Variants in EPS15L1 observed in about 807,000 individuals in gnomAD.
EPS15L1 encodes the protein epidermal growth factor receptor pathway substrate 15 like 1.
EPS15L1 carries 43 observed loss-of-function variants against 117.1 expected under a neutral mutation model. That is an observed-to-expected ratio of 0.37 (90% CI 0.29 to 0.47). EPS15L1 has a LOEUF of 0.47. Ranked by LOEUF, EPS15L1 falls within the 20% of genes least tolerant of loss-of-function variation. EPS15L1 has a pLI of 0.99. For synonymous variants in EPS15L1, 459 were observed against 470.5 expected (o/e 0.98, Z 0.32); for missense variants, 981 against 1,164.0 (o/e 0.84, Z 2.29).
chr19:16,367,869 T>C (rs1023319088), intron 22 of EPS15L1, among the ~76,000 whole-genome samples: 1 of 151,584 alleles, frequency 6.6e-6, no homozygotes, highest in Non-Finnish European at 1.5e-5. Context: ...AAGGAAACTC[T>C]CTTGGTTTAA....
At chr19:16,467,580 T>C (rs540549046) in intron 1 of EPS15L1, among the ~76,000 whole-genome samples, 68 of 151,792 alleles carry the variant, frequency 4.5e-4, no homozygotes, top group African/African-American at 1.6e-3. Flanking sequence ...TAAGTGACAG[T>C]CAGGGAATTC....
chr19:16,442,551 G>A (rs191470262), intron 1 of EPS15L1, among the ~76,000 whole-genome samples: 3 of 152,298 alleles, frequency 2.0e-5, no homozygotes, highest in Admixed American at 6.5e-5. Flanking sequence ...AGAGCTCAGA[G>A]GGAAAGGACA....
At chr19:16,355,924 A>G (rs2091973738) in intron 23 of EPS15L1, 73 bp from the exon 24 acceptor site, 5 of 1,503,764 alleles carry the variant, frequency 3.3e-6, no homozygotes, top group Non-Finnish European at 2.7e-6. Flanking sequence ...GAGGCAGGGA[A>G]TGCGTGGGAG....
At chr19:16,397,630 A>G (rs1032471131) in intron 16 of EPS15L1, among the ~76,000 whole-genome samples, 1 of 152,076 alleles carries the variant, frequency 6.6e-6, no homozygotes, top group African/African-American at 2.4e-5. Flanking sequence ...TTTCTGTCCT[A>G]TGAGGAAATG....
chr19:16,439,082 T>TG (rs1441425096), intron 4 of EPS15L1, among the ~76,000 whole-genome samples: 2 of 151,862 alleles, frequency 1.3e-5, no homozygotes, highest in Non-Finnish European at 2.9e-5. Flanking sequence ...CTGTTTTTTT[T>TG]TTTTTTTATT....
intron 7 of EPS15L1, among the ~76,000 whole-genome samples, chr19:16,432,436 C>T (rs990298554): frequency 2.7e-4 from 41 of 152,100 alleles, no homozygotes; most frequent in Non-Finnish European, 5.0e-4. Context: ...GGCGTGGTGG[C>T]GGGCGCCTGT....
Position 16,392,316 on chromosome 19 carries a change from G to A in EPS15L1, c.2091C>T (p.Ser697=). 3 of 1,614,100 alleles carry A rather than the reference G, an allele frequency of 1.9e-6. No individual in the cohort carries two copies. The highest frequency in any genetic ancestry group is 2.5e-6 in the Non-Finnish European group (3 of 1,179,944). Residue 697 remains serine (S), a synonymous_variant, in exon 19 of 24, where the codon TCC becomes TCT. Transcript: ENST00000455140. The part of the protein sequence containing the change: ...FTSDPFTKNP[S]LPSKLDPFES... ...CCACCCCACTCACCTTCGAAGGTAA[G>A]GAAGGGTTTTTCGTGAATGGATCCG...
rs1461090853 is a variant in EPS15L1 at position 16,379,627 on chromosome 19, T to TCTA, written c.2248-2374_2248-2373insTAG. 3.7e-4 allele frequency among the ~76,000 whole-genome samples: 56 copies of TCTA among 150,754 alleles called. 1 individual carries two copies. The highest frequency in any genetic ancestry group is 1.3e-3 in the African/African-American group (53 of 40,996). On this transcript the variant is annotated intron_variant, in intron 21 of 23. Coordinates refer to ENST00000455140, the MANE Select transcript of EPS15L1 (RefSeq NM_001258374.3). The stretch of plus-strand genomic sequence containing the variant: ...CTAAGGCTCCAGCGTCTAGTCACAC[T>TCTA]GACACGGCCATCTAGGCCTTCAGTG...
chr19:16,437,946 AG>A, intron 4 of EPS15L1, 81 bp from the exon 5 acceptor site: 2 of 1,069,680 alleles, frequency 1.9e-6, no homozygotes, highest in Non-Finnish European at 2.8e-6. Context: ...AGCAGGCTTC[AG>A]GGAAAGAGGA....
At position 16,381,724 on chromosome 19, in the gene EPS15L1, T is replaced by A. The variant is rs1278850461; in HGVS notation, c.2247+3405A>T. The stretch of plus-strand genomic sequence containing the variant: ...GTCGGCCTGCAGCTTAGCTTTAAAA[T>A]GGGCCGTTTAGGGTCGGCTGTTTGG... On this transcript the variant is annotated intron_variant, in intron 21 of 23. Coordinates refer to ENST00000455140, the MANE Select transcript of EPS15L1 (RefSeq NM_001258374.3). The surrounding 1 kb of genome is among the most constrained non-coding windows in gnomAD (Gnocchi z 4.2). Among the ~76,000 whole-genome samples, 1 of 152,260 alleles carries A rather than the reference T, an allele frequency of 6.6e-6. No individual in the cohort carries two copies. The highest frequency in any genetic ancestry group is 1.9e-4 in the East Asian group (1 of 5,172).
At chr19:16,393,183 G>T (rs752754794) in intron 18 of EPS15L1, among the ~76,000 whole-genome samples, 1 of 151,660 alleles carries the variant, frequency 6.6e-6, no homozygotes, top group Non-Finnish European at 1.5e-5. Context: ...CAGGGGTTGC[G>T]GGAGGGAATG....
intron 16 of EPS15L1, among the ~76,000 whole-genome samples, chr19:16,400,359 A>C (rs111241134): frequency 0.024 from 3,627 of 149,900 alleles, 129 homozygotes; most frequent in African/African-American, 0.071. Context: ...ACAAAAACAA[A>C]AAAAAAAAAA....
intron 19 of EPS15L1, among the ~76,000 whole-genome samples, chr19:16,388,067 G>C (rs1320084502): frequency 2.0e-5 from 3 of 152,140 alleles, no homozygotes; most frequent in Admixed American, 2.0e-4. Flanking sequence ...TTTGAGATGG[G>C]AGTCTCACTC....
At chr19:16,449,398 A>T (rs1390589788) in intron 1 of EPS15L1, among the ~76,000 whole-genome samples, 1 of 152,338 alleles carries the variant, frequency 6.6e-6, no homozygotes, top group South Asian at 2.1e-4. Flanking sequence ...ATCATTAGCA[A>T]AAAGAAGAAT....
In EPS15L1 at chr19:16,413,776, C is replaced by T. The variant is rs1264596537; in HGVS notation, c.1263G>A (p.Val421=). 1.2e-6 allele frequency: 2 copies of T among 1,613,588 alleles called. No individual in the cohort carries two copies. The highest frequency in any genetic ancestry group is 1.7e-6 in the Non-Finnish European group (2 of 1,179,480). ...CCAAAACGAACGAGACCCTTACCTGCACCTCGCTGGTTTTCTGTCTGATTG... is the reference window on the plus strand; with the variant it reads ...CCAAAACGAACGAGACCCTTACCTGTACCTCGCTGGTTTTCTGTCTGATTG... ...EEAIRQKTSE[V]QELQNDLDRE... Residue 421 remains valine (V), a synonymous_variant, in exon 13 of 24, where the codon GTG becomes GTA. Coordinates refer to ENST00000455140, the MANE Select transcript of EPS15L1 (RefSeq NM_001258374.3).
intron 4 of EPS15L1, among the ~76,000 whole-genome samples, chr19:16,439,332 A>C (rs1424421294): frequency 6.6e-6 from 1 of 152,190 alleles, no homozygotes; most frequent in Non-Finnish European, 1.5e-5. Flanking sequence ...GAATTAAGTA[A>C]GTTTAGAGGA....
Position 16,403,711 on chromosome 19 carries a change from G to A in EPS15L1, c.1626+22C>T, listed in dbSNP as rs781395589. 7 of 1,606,900 alleles carry A rather than the reference G, an allele frequency of 4.4e-6. No homozygotes were observed. The African/African-American group carries it at 9.3e-5, about 21-fold the overall frequency. ...GCTCGCTGGTCCCTGGCATGTGGCA[G>A]GGACCCGACTCCGTGAAGTACCTGG... On this transcript the variant is annotated intron_variant, in intron 15 of 23. Coordinates refer to ENST00000455140, the MANE Select transcript of EPS15L1 (RefSeq NM_001258374.3).
intron 1 of EPS15L1, among the ~76,000 whole-genome samples, chr19:16,449,700 T>C (rs991497390): frequency 4.6e-5 from 7 of 152,210 alleles, no homozygotes; most frequent in Non-Finnish European, 8.8e-5. Flanking sequence ...CTGTATGCAG[T>C]GTTGGCCACA....
intron 7 of EPS15L1, among the ~76,000 whole-genome samples, chr19:16,433,086 C>T (rs1386307199): frequency 6.6e-6 from 1 of 151,952 alleles, no homozygotes; most frequent in African/African-American, 2.4e-5. Flanking sequence ...GCTGGGATTA[C>T]AGGCATGAGC....
Sources: allele counts gnomAD v4.1 joint callset (sites outside exome capture counted in the v4.1 genomes callset), GRCh38; gene constraint gnomAD v4.1.1; non-coding constraint Gnocchi (gnomAD v3.1); transcripts MANE v1.5; gene names NCBI Gene and HGNC (gene_info 2026-07-23, HGNC 2026-07-21).